Variants in CCDC85A observed in about 807,000 individuals in gnomAD.
CCDC85A encodes coiled-coil domain containing 85A, also known as coiled-coil domain-containing protein 85A.
Under a neutral mutation model 50.2 loss-of-function variants are expected in CCDC85A, and 38 were observed. The observed-to-expected ratio is 0.76, with a 90% confidence interval of 0.58 to 0.99. The LOEUF (loss-of-function observed/expected upper bound fraction) is 0.99, where lower values mean the gene tolerates loss of function less well. Among genes scored for constraint, CCDC85A ranks in the 50% least tolerant of loss-of-function variants. The probability of loss-of-function intolerance (pLI) is 0.00; values close to 1 mark genes in which losing one functional copy is unlikely to be tolerated. For synonymous variants in CCDC85A, 366 were observed against 301.4 expected, an observed-to-expected ratio of 1.21 and a Z score of -2.22; for missense variants, 820 against 742.0, an observed-to-expected ratio of 1.11 and a Z score of -1.22.
intron 3 of CCDC85A, among the ~76,000 whole-genome samples, chr2:56,359,419 G>T (rs1675416499): frequency 6.6e-6 from 1 of 152,126 alleles, no homozygotes; most frequent in African/African-American, 2.4e-5. Flanking sequence ...TGAAACATAT[G>T]TCTATGGTGA....
intron 2 of CCDC85A, among the ~76,000 whole-genome samples, chr2:56,278,911 A>G (rs1671081462): frequency 6.6e-6 from 1 of 152,110 alleles, no homozygotes; most frequent in South Asian, 2.1e-4. Flanking sequence ...CTTCCAGGTT[A>G]CTTTCTCCTT....
At position 56,184,650 on chromosome 2, in the gene CCDC85A, C is replaced by T. The variant is rs914211257; in HGVS notation, c.26C>T (p.Ala9Val). Residue 9 changes from alanine to valine, a missense_variant, in exon 1 of 6, where the codon GCG (alanine) becomes GTG (valine). Transcript: ENST00000407595. ...ATGTCGAAGGCGGCCGGAGGCGCGGCGGCGGCTGCGGCGGCGGCGGAAAGT... is the reference window on the plus strand; with the variant it reads ...ATGTCGAAGGCGGCCGGAGGCGCGGTGGCGGCTGCGGCGGCGGCGGAAAGT... MSKAAGGA[A>V]AAAAAAESCS... 1.4e-6 allele frequency: 2 copies of T among 1,441,784 alleles called. No individual in the cohort carries two copies. Among genetic ancestry groups the T allele is most frequent in the African/African-American group, 1.5e-5 (1 of 66,144 alleles). 89.3% of individuals were successfully genotyped at this position (1,441,784 alleles called of 1,614,324 possible). A position where few individuals can be genotyped will look rare whatever the true frequency, so the allele number is the denominator to read the frequency against.
Position 56,342,567 on chromosome 2 carries a change from T to G in CCDC85A, c.1241-312T>G, listed in dbSNP as rs1674425771. On this transcript the variant is annotated intron_variant, in intron 2 of 5. Coordinates refer to ENST00000407595, the MANE Select transcript of CCDC85A (RefSeq NM_001080433.2). ...GACAAATATTTTCCATACCTTTACT[T>G]GTGTTTTCTTATTGGTTTGTAAGAG... 2.0e-5 allele frequency among the ~76,000 whole-genome samples: 3 copies of G among 152,232 alleles called. 1 individual carries two copies. The highest frequency in any genetic ancestry group is 4.4e-5 in the Non-Finnish European group (3 of 68,040).
intron 2 of CCDC85A, among the ~76,000 whole-genome samples, chr2:56,292,409 A>G (rs1025150750): frequency 6.6e-6 from 1 of 152,124 alleles, no homozygotes; most frequent in East Asian, 1.9e-4. Flanking sequence ...TTTCAACTTG[A>G]TAAAGGATAC....
At chr2:56,216,879 A>G (rs1028330188) in intron 2 of CCDC85A, among the ~76,000 whole-genome samples, 1 of 151,420 alleles carries the variant, frequency 6.6e-6, no homozygotes, top group African/African-American at 2.4e-5. Context: ...TCTTTTGCTC[A>G]TGGGGCCAAG....
At chr2:56,211,088 G>C (rs886126551) in intron 2 of CCDC85A, among the ~76,000 whole-genome samples, 3 of 152,076 alleles carry the variant, frequency 2.0e-5, no homozygotes, top group Non-Finnish European at 2.9e-5. Flanking sequence ...ATTTGAGTTA[G>C]AGATCACTGT....
chr2:56,372,611 G>A, intron 4 of CCDC85A, 133 bp downstream of exon 4: 1 of 1,056,900 alleles, frequency 9.5e-7, no homozygotes, highest in Non-Finnish European at 1.3e-6. Context: ...GTCTAAGTCT[G>A]GGGAGGGAGG....
At chr2:56,197,678 A>G (rs1676582397) in intron 2 of CCDC85A, among the ~76,000 whole-genome samples, 1 of 152,210 alleles carries the variant, frequency 6.6e-6, no homozygotes, top group Non-Finnish European at 1.5e-5. Flanking sequence ...CCTGGGAAGA[A>G]GAAAACTTCT....
intron 5 of CCDC85A, among the ~76,000 whole-genome samples, chr2:56,382,170 C>A (rs572001428): frequency 1.3e-5 from 2 of 152,082 alleles, no homozygotes; most frequent in South Asian, 4.2e-4. Flanking sequence ...GGGAAAAATG[C>A]AGATTGTAAA....
chr2:56,357,765 T>C (rs1393443612), intron 3 of CCDC85A, among the ~76,000 whole-genome samples: 1 of 150,206 alleles, frequency 6.7e-6, no homozygotes, highest in African/African-American at 2.4e-5. Context: ...AGGGTGGATA[T>C]TTACAAGCAT....
chr2:56,296,366 T>C (rs1034356979), intron 2 of CCDC85A, among the ~76,000 whole-genome samples: 2 of 152,110 alleles, frequency 1.3e-5, no homozygotes, highest in Non-Finnish European at 2.9e-5. Flanking sequence ...TACTGAAAAG[T>C]TTCTGGAATG....
chr2:56,375,774 C>A, intron 4 of CCDC85A, 42 bp from the exon 5 acceptor site: 1 of 1,600,374 alleles, frequency 6.2e-7, no homozygotes, highest in East Asian at 2.2e-5. Flanking sequence ...TAGTTATAAA[C>A]GACTTTTGTT....
intron 2 of CCDC85A, among the ~76,000 whole-genome samples, chr2:56,250,439 T>TAC (rs1302035669): frequency 2.0e-5 from 3 of 152,180 alleles, no homozygotes; most frequent in African/African-American, 7.2e-5. Context: ...AAAGTTATTG[T>TAC]ACTAGCCTAT....
At chr2:56,351,628 T>C (rs1307056020) in intron 3 of CCDC85A, among the ~76,000 whole-genome samples, 1 of 144,182 alleles carries the variant, frequency 6.9e-6, no homozygotes, top group Non-Finnish European at 1.5e-5. Flanking sequence ...TTTCATGTGT[T>C]TTTTGGCTGC....
chr2:56,323,390 C>T (rs528812330), intron 2 of CCDC85A, among the ~76,000 whole-genome samples: 26 of 151,982 alleles, frequency 1.7e-4, no homozygotes, highest in Non-Finnish European at 2.8e-4. Flanking sequence ...CTCACCACTG[C>T]GAGAGTGAAT....
chr2:56,321,391 AC>A (rs1439989212), intron 2 of CCDC85A, among the ~76,000 whole-genome samples: 1 of 151,958 alleles, frequency 6.6e-6, no homozygotes, highest in Non-Finnish European at 1.5e-5. Context: ...TATTTAGAAA[AC>A]CCCATCATTC....
Position 56,184,361 on chromosome 2 carries a change from A to G in CCDC85A, c.-264A>G. On this transcript the variant is annotated 5_prime_UTR_variant, in exon 1 of 6. Transcript: ENST00000407595. Reference sequence around the variant, plus strand: ...GGCTCCCCAGTGCCCCTCACCATGGACTTGCGCGGAGTTGGGACGGGCCTC... The same window carrying G: ...GGCTCCCCAGTGCCCCTCACCATGGGCTTGCGCGGAGTTGGGACGGGCCTC... 1 of 489,244 alleles carries G rather than the reference A, an allele frequency of 2.0e-6. No homozygotes were observed. Among genetic ancestry groups the G allele is most frequent in the Non-Finnish European group, 3.0e-6 (1 of 335,122 alleles). 30.3% of individuals were successfully genotyped at this position (489,244 alleles called of 1,614,324 possible).
intron 2 of CCDC85A, among the ~76,000 whole-genome samples, chr2:56,210,885 C>T (rs924614322): frequency 3.3e-5 from 5 of 151,924 alleles, no homozygotes; most frequent in African/African-American, 7.3e-5. Context: ...AGTCATAAGC[C>T]GATCAAGATG....
At chr2:56,201,079 CACACACACACACACACACACACACA>C (rs1676721461) in intron 2 of CCDC85A, among the ~76,000 whole-genome samples, 1 of 137,900 alleles carries the variant, frequency 7.3e-6, no homozygotes, top group Non-Finnish European at 1.6e-5. Flanking sequence ...TCTCTCTCCA[CACACACACACACACACACACACACA>C]CACACACACA....
Sources: gnomAD v4.1 joint callset for allele counts (sites outside exome capture counted in the v4.1 genomes callset) on GRCh38, gnomAD v4.1.1 for gene constraint, MANE v1.5 for transcripts, NCBI Gene and HGNC (gene_info 2026-07-23, HGNC 2026-07-21) for gene names.